MACROD2: variants seen among roughly 807,000 people sequenced by gnomAD.
MACROD2 encodes mono-ADP ribosylhydrolase 2, also known as ADP-ribose glycohydrolase MACROD2.
Under a neutral mutation model 70.4 loss-of-function variants are expected in MACROD2, and 36 were observed. That is an observed-to-expected ratio of 0.51 (90% CI 0.39 to 0.68). The LOEUF (loss-of-function observed/expected upper bound fraction) is 0.68, where lower values mean the gene tolerates loss of function less well. MACROD2 is among the 30% of genes least tolerant of loss of function. The pLI is 0.00. For synonymous variants in MACROD2, 172 were observed against 178.8 expected (o/e 0.96, Z 0.30); for missense variants, 496 against 538.4 (o/e 0.92, Z 0.78).
chr20:14,129,230 A>T (rs1445425086), intron 3 of MACROD2, among the ~76,000 whole-genome samples: 2 of 152,212 alleles, frequency 1.3e-5, no homozygotes, highest in Non-Finnish European at 2.9e-5. Flanking sequence ...ATTAACACGA[A>T]CAGAAATTTG....
intron 6 of MACROD2, among the ~76,000 whole-genome samples, chr20:15,255,672 T>C (rs917073018): frequency 2.0e-5 from 3 of 152,150 alleles, no homozygotes; most frequent in Admixed American, 1.3e-4. Context: ...AAGCAAGCTC[T>C]TTCAGTTGGG....
intron 2 of MACROD2, among the ~76,000 whole-genome samples, chr20:14,030,989 T>C (rs947173417): frequency 6.6e-6 from 1 of 152,220 alleles, no homozygotes; most frequent in African/African-American, 2.4e-5. Flanking sequence ...AATTTAGATA[T>C]CAGGTTATCC....
At chr20:14,409,696 A>C (rs2083728954) in intron 3 of MACROD2, among the ~76,000 whole-genome samples, 1 of 152,064 alleles carries the variant, frequency 6.6e-6, no homozygotes, top group Non-Finnish European at 1.5e-5. Flanking sequence ...ACCTTATCCT[A>C]ACCAGGTTTT....
chr20:15,846,004 G>A (rs1403152206), intron 8 of MACROD2, among the ~76,000 whole-genome samples: 1 of 152,148 alleles, frequency 6.6e-6, no homozygotes, highest in Non-Finnish European at 1.5e-5. Flanking sequence ...TTTTCCACGT[G>A]GACTGGATAG....
In MACROD2 at chr20:15,231,830, G is replaced by A. The variant is rs967520040; in HGVS notation, c.540+1769G>A. Among the ~76,000 whole-genome samples the A allele has an allele frequency of 5.3e-5, 8 of 151,922 alleles. No homozygotes were observed. In the East Asian group the frequency reaches 1.3e-3, roughly 26 times the overall value. Reference sequence around the variant, plus strand: ...GAATTAGATCTACCTTAACATCTTTGATGATTATTTTGAAGGGCCAATTAC... The same window carrying A: ...GAATTAGATCTACCTTAACATCTTTAATGATTATTTTGAAGGGCCAATTAC... On this transcript the variant is annotated intron_variant, in intron 6 of 17. Transcript: ENST00000684519.
At chr20:15,143,619 T>A (rs2076208604) in intron 5 of MACROD2, among the ~76,000 whole-genome samples, 1 of 152,104 alleles carries the variant, frequency 6.6e-6, no homozygotes, top group East Asian at 1.9e-4. Flanking sequence ...TTTAATCTTG[T>A]TAAGTACTAT....
chr20:14,928,187 C>T (rs1444204999), intron 5 of MACROD2, among the ~76,000 whole-genome samples: 1 of 152,158 alleles, frequency 6.6e-6, no homozygotes, highest in Non-Finnish European at 1.5e-5. Context: ...CCTTTTATGC[C>T]CAACACCCCA....
intron 2 of MACROD2, among the ~76,000 whole-genome samples, chr20:14,016,374 C>G (rs752088583): frequency 6.6e-6 from 1 of 152,166 alleles, no homozygotes; most frequent in Non-Finnish European, 1.5e-5. Flanking sequence ...TCTTTTCACT[C>G]TCTTAATAGT....
At chr20:15,265,481 CA>C (rs1403281369) in intron 6 of MACROD2, among the ~76,000 whole-genome samples, 1 of 152,184 alleles carries the variant, frequency 6.6e-6, no homozygotes, top group African/African-American at 2.4e-5. Flanking sequence ...CTTGGCAATT[CA>C]GTCTTCTTTC....
chr20:14,155,466 G>T (rs2055089781), intron 3 of MACROD2, among the ~76,000 whole-genome samples: 1 of 152,144 alleles, frequency 6.6e-6, no homozygotes, highest in South Asian at 2.1e-4. Flanking sequence ...GTGGTATAAG[G>T]AATGTCACAA....
intron 6 of MACROD2, among the ~76,000 whole-genome samples, chr20:15,350,360 C>T (rs538787933): frequency 1.4e-4 from 22 of 152,206 alleles, no homozygotes; most frequent in East Asian, 5.8e-4. Context: ...ATTTGACTTT[C>T]AATTGTGATT....
chr20:14,727,597 G>A (rs1260703432), intron 5 of MACROD2, among the ~76,000 whole-genome samples: 1 of 152,090 alleles, frequency 6.6e-6, no homozygotes, highest in African/African-American at 2.4e-5. Context: ...CTCCCCAAAT[G>A]TAATTTATCA....
At chr20:15,112,250 A>G (rs959348794) in intron 5 of MACROD2, among the ~76,000 whole-genome samples, 16 of 152,206 alleles carry the variant, frequency 1.1e-4, no homozygotes, top group Non-Finnish European at 1.9e-4. Context: ...TCAGAAGTAT[A>G]AAAGGAAGGA....
intron 6 of MACROD2, among the ~76,000 whole-genome samples, chr20:15,392,117 A>C (rs2045800719): frequency 6.6e-6 from 1 of 150,570 alleles, no homozygotes; most frequent in Non-Finnish European, 1.5e-5. Context: ...GTAAATTCAG[A>C]TAATGCACAC....
chr20:15,180,968 A>G (rs1364942222), intron 5 of MACROD2, among the ~76,000 whole-genome samples: 2 of 152,236 alleles, frequency 1.3e-5, no homozygotes, highest in South Asian at 2.1e-4. Context: ...ATGATTTTAT[A>G]TGCAGTGGTC....
intron 4 of MACROD2, among the ~76,000 whole-genome samples, chr20:14,529,755 T>C (rs1162008727): frequency 2.0e-5 from 3 of 152,168 alleles, no homozygotes; most frequent in Non-Finnish European, 2.9e-5. Flanking sequence ...GGTCATGTCT[T>C]TTTATTAACT....
intron 5 of MACROD2, among the ~76,000 whole-genome samples, chr20:14,862,168 TAAA>T (rs1291658602): frequency 5.9e-4 from 3 of 5,048 alleles, no homozygotes; most frequent in African/African-American, 2.0e-3. Context: ...TAAATATATA[TAAA>T]TATATATAAA....
At chr20:14,786,689 T>G (rs1205584227) in intron 5 of MACROD2, among the ~76,000 whole-genome samples, 1 of 152,080 alleles carries the variant, frequency 6.6e-6, no homozygotes, top group Non-Finnish European at 1.5e-5. Context: ...GTGGGCTCTG[T>G]GCACCAGTAT....
intron 4 of MACROD2, among the ~76,000 whole-genome samples, chr20:14,554,834 A>G (rs1600379723): frequency 6.6e-6 from 1 of 152,222 alleles, no homozygotes; most frequent in South Asian, 2.1e-4. Context: ...TATACTTGAA[A>G]TCTGATCACC....
Sources: allele counts gnomAD v4.1 joint callset (sites outside exome capture counted in the v4.1 genomes callset), GRCh38; gene constraint gnomAD v4.1.1; transcripts MANE v1.5; gene names NCBI Gene and HGNC (gene_info 2026-07-23, HGNC 2026-07-21).